ARHGAP23: variants seen among roughly 807,000 people sequenced by gnomAD.
ARHGAP23 encodes Rho GTPase activating protein 23, also known as rho GTPase-activating protein 23.
ARHGAP23 carries 34 observed loss-of-function variants against 136.3 expected under a neutral mutation model. The ratio of observed to expected loss-of-function variants is 0.25; its 90% CI spans 0.19 to 0.33. The LOEUF (loss-of-function observed/expected upper bound fraction) is 0.33. ARHGAP23 is among the 10% of genes least tolerant of loss of function. The pLI, the probability that ARHGAP23 is intolerant of heterozygous loss-of-function variation, is 1.00. For synonymous variants in ARHGAP23, 832 were observed against 920.5 expected, an observed-to-expected ratio of 0.90 and a Z score of 1.74; for missense variants, 1,808 against 2,139.0, an observed-to-expected ratio of 0.85 and a Z score of 3.05.
chr17:38,465,449 G>A (rs1258973972), intron 6 of ARHGAP23, among the ~76,000 whole-genome samples: 1 of 152,186 alleles, frequency 6.6e-6, no homozygotes, highest in Non-Finnish European at 1.5e-5. Flanking sequence ...AGCTCAGCAG[G>A]GGCCAGGCTG....
chr17:38,438,089 A>G (rs532292034), intron 1 of ARHGAP23, among the ~76,000 whole-genome samples: 11 of 152,248 alleles, frequency 7.2e-5, no homozygotes, highest in African/African-American at 2.6e-4. Context: ...TTTGGGGGCC[A>G]AGGTGGGCAA....
chr17:38,488,578 C>T (rs571833552), intron 17 of ARHGAP23, among the ~76,000 whole-genome samples: 1 of 152,306 alleles, frequency 6.6e-6, no homozygotes, highest in East Asian at 1.9e-4. Flanking sequence ...GACAGAGTTT[C>T]ACTCTTGTCG....
In ARHGAP23 at chr17:38,510,613, C is replaced by T. The variant is rs555927400; in HGVS notation, c.4117C>T (p.Arg1373Cys). The T allele has an allele frequency of 2.5e-4, 320 of 1,294,180 alleles. 1 individual carries two copies. In the East Asian group the frequency reaches 9.0e-3, roughly 36 times the overall value. The allele number at this position is 1,294,180 out of a possible 1,614,324, so 80.2% of individuals were successfully genotyped here. A position where few individuals can be genotyped will look rare whatever the true frequency, so the allele number is the denominator to read the frequency against. The change falls in exon 24 of 24, where the codon CGT (arginine) becomes TGT (cysteine). Residue 1373 changes from arginine to cysteine, a missense_variant. By Grantham distance (180) the Arg-to-Cys change is radical (BLOSUM62 -3). Coordinates refer to ENST00000622683, the MANE Select transcript of ARHGAP23 (RefSeq NM_001199417.2). The surrounding 1 kb of genome is among the most constrained non-coding windows in gnomAD (Gnocchi z 4.6). The stretch of plus-strand genomic sequence containing the variant: ...CCGGCCCTCGCGCATGGAGGCGCTG[C>T]GTCTAAGGCTCCGCGGCACGGCGGA... ...ASRPSRMEAL[R>C]LRLRGTADDM...
intron 22 of ARHGAP23, among the ~76,000 whole-genome samples, chr17:38,499,234 C>T (rs1180752089): frequency 7.9e-5 from 12 of 152,342 alleles, no homozygotes; most frequent in Admixed American, 7.2e-4. Context: ...ACAGACCCTG[C>T]GGCCTCTCTT....
At chr17:38,506,503 T>A (rs1478240392) in intron 23 of ARHGAP23, among the ~76,000 whole-genome samples, 1 of 152,178 alleles carries the variant, frequency 6.6e-6, no homozygotes, top group Non-Finnish European at 1.5e-5. Flanking sequence ...CAACAGAAAT[T>A]GATTTTCTCA....
intron 12 of ARHGAP23, 150 bp from the exon 13 acceptor site, chr17:38,479,286 G>C: frequency 1.6e-6 from 1 of 624,120 alleles, no homozygotes; most frequent in East Asian, 2.8e-5. Flanking sequence ...GTGAGAGGGT[G>C]CTGGGGAGTC....
chr17:38,485,476 C>T (rs185258073), intron 16 of ARHGAP23, among the ~76,000 whole-genome samples: 224 of 152,186 alleles, frequency 1.5e-3, no homozygotes, highest in African/African-American at 5.2e-3. Flanking sequence ...GGCATGAACA[C>T]GGAAACAAAA....
At chr17:38,464,247 A>C (rs1165384294) in intron 6 of ARHGAP23, among the ~76,000 whole-genome samples, 1 of 152,154 alleles carries the variant, frequency 6.6e-6, no homozygotes, top group Non-Finnish European at 1.5e-5. Context: ...AGCGTGGCCC[A>C]GACACTGCAC....
At chr17:38,489,420 T>A (rs1372786770) in intron 17 of ARHGAP23, among the ~76,000 whole-genome samples, 3 of 129,000 alleles carry the variant, frequency 2.3e-5, no homozygotes, top group Non-Finnish European at 4.8e-5. Context: ...CCCCCATCCT[T>A]CCCCCCGATT....
chr17:38,484,286 G>A lies in ARHGAP23; in HGVS notation c.2907+1608G>A, dbSNP rs147907852. On this transcript the variant is annotated intron_variant, in intron 16 of 23. Transcript: ENST00000622683. ...CCGCATGTTTGAGCTGGGGCTGGTGGTATCTTCCCTTGGCAGAAACCAGGG... is the reference window on the plus strand; with the variant it reads ...CCGCATGTTTGAGCTGGGGCTGGTGATATCTTCCCTTGGCAGAAACCAGGG... Among the ~76,000 whole-genome samples the A allele has an allele frequency of 2.6e-3, 399 of 152,244 alleles. 3 individuals carry two copies. The highest frequency in any genetic ancestry group is 5.6e-3 in the South Asian group (27 of 4,818).
intron 1 of ARHGAP23, among the ~76,000 whole-genome samples, chr17:38,455,828 C>T (rs1470828116): frequency 6.6e-6 from 1 of 152,166 alleles, no homozygotes; most frequent in Non-Finnish European, 1.5e-5. Context: ...GGATTTCAGA[C>T]CTCAGCAGAA....
intron 11 of ARHGAP23, among the ~76,000 whole-genome samples, chr17:38,473,098 G>A (rs1207879767): frequency 6.9e-6 from 1 of 145,038 alleles, no homozygotes; most frequent in Non-Finnish European, 1.5e-5. Flanking sequence ...CACCAAACCC[G>A]GCTAATTTTT....
At chr17:38,473,538 C>T (rs1245247918) in intron 11 of ARHGAP23, among the ~76,000 whole-genome samples, 1 of 152,186 alleles carries the variant, frequency 6.6e-6, no homozygotes, top group East Asian at 1.9e-4. Context: ...GCTCGGGAGC[C>T]TCCGTGGAGG....
intron 17 of ARHGAP23, among the ~76,000 whole-genome samples, chr17:38,489,590 C>G (rs2040227969): frequency 1.3e-5 from 2 of 152,196 alleles, no homozygotes; most frequent in Admixed American, 1.3e-4. Context: ...TCCCGCGTTA[C>G]TCTTTCTTTA....
intron 1 of ARHGAP23, among the ~76,000 whole-genome samples, chr17:38,443,393 C>G (rs1035795251): frequency 6.6e-6 from 1 of 152,198 alleles, no homozygotes; most frequent in African/African-American, 2.4e-5. Flanking sequence ...GACTGTGTGG[C>G]TGTTATCCTG....
At chr17:38,444,210 T>G (rs562514161) in intron 1 of ARHGAP23, among the ~76,000 whole-genome samples, 3 of 151,532 alleles carry the variant, frequency 2.0e-5, no homozygotes, top group Non-Finnish European at 4.4e-5. Flanking sequence ...GGGAGCGAGG[T>G]TGAGGGAATG....
At chr17:38,478,873 C>T (rs1335698440) in intron 12 of ARHGAP23, among the ~76,000 whole-genome samples, 1 of 152,182 alleles carries the variant, frequency 6.6e-6, no homozygotes, top group African/African-American at 2.4e-5. Flanking sequence ...GGGTCTCTGC[C>T]AAGAGGGCAG....
chr17:38,486,939 G>A (rs186162383), intron 17 of ARHGAP23, among the ~76,000 whole-genome samples: 6 of 152,360 alleles, frequency 3.9e-5, no homozygotes, highest in South Asian at 2.1e-4. Context: ...ACGTGCCTGC[G>A]TGGGGTTTGG....
chr17:38,423,521 A>G (rs1460205427), upstream of ARHGAP23, among the ~76,000 whole-genome samples: 3 of 151,498 alleles, frequency 2.0e-5, no homozygotes, highest in Admixed American at 6.6e-5. Flanking sequence ...ACAGGCGCAC[A>G]CCACCACGCC....
Sources: allele counts gnomAD v4.1 joint callset (sites outside exome capture counted in the v4.1 genomes callset), GRCh38; gene constraint gnomAD v4.1.1; non-coding constraint Gnocchi (gnomAD v3.1); transcripts MANE v1.5; gene names NCBI Gene and HGNC (gene_info 2026-07-23, HGNC 2026-07-21).